The following PSG6 variants were observed in gnomAD, a reference collection of about 807,000 sequenced individuals.
The protein encoded by PSG6 is pregnancy specific beta-1-glycoprotein 6, also known as pregnancy-specific beta-1-glycoprotein 6.
Under a neutral mutation model 43.3 loss-of-function variants are expected in PSG6, and 51 were observed. The observed-to-expected ratio is 1.18, with a 90% CI of 0.94 to 1.49. The LOEUF is 1.49. PSG6 is among the 40% of genes most tolerant of loss of function. PSG6 has a pLI of 0.00. For synonymous variants in PSG6, 292 were observed against 197.6 expected, an observed-to-expected ratio of 1.48 and a Z score of -4.01; for missense variants, 770 against 522.2, an observed-to-expected ratio of 1.47 and a Z score of -4.62.
At chr19:42,906,704 C>T (rs1441936631) in intron 5 of PSG6, 9 of 1,474,192 alleles carry the variant, frequency 6.1e-6, no homozygotes, top group Admixed American at 4.8e-5. Flanking sequence ...CCCTCCCTAC[C>T]TTTCTCAGGC....
chr19:42,907,479 G>C, intron 4 of PSG6, 97 bp downstream of exon 4: 1 of 1,569,124 alleles, frequency 6.4e-7, no homozygotes, highest in East Asian at 2.2e-5. Flanking sequence ...AAGTAAAGTT[G>C]TCTATACTTG....
intron 5 of PSG6, among the ~76,000 whole-genome samples, chr19:42,902,689 G>A (rs535090224): frequency 1.3e-5 from 2 of 151,344 alleles, no homozygotes; most frequent in Admixed American, 1.3e-4. Context: ...TCTGCATAGC[G>A]GTCTGTGGGT....
rs556500307 is a variant in PSG6 at position 42,910,176 on chromosome 19, G to A, written c.706+404C>T. On this transcript the variant is annotated intron_variant, in intron 3 of 5. Coordinates refer to ENST00000187910, the MANE Select transcript of PSG6 (RefSeq NM_001031850.4). ...AACGGTGGGAGCATCCAGGCCATGC[G>A]GAGCAAAGAGAATAATGTCACAGGC... 1.0e-4 allele frequency: 34 copies of A among 327,244 alleles called. 2 individuals carry two copies. The highest frequency in any genetic ancestry group is 3.4e-4 in the African/African-American group (16 of 47,198). 20.3% of individuals were successfully genotyped at this position (327,244 alleles called of 1,614,324 possible). A position where few individuals can be genotyped will look rare whatever the true frequency, so the allele number is the denominator to read the frequency against.
rs143223284 is a variant in PSG6, at chr19:42,907,730, C to T, written c.831G>A (p.Gln277=). The change falls in exon 4 of 6, where the codon CAG becomes CAA. Residue 277 remains glutamine (Q), a synonymous_variant. Coordinates refer to ENST00000187910, the MANE Select transcript of PSG6 (RefSeq NM_001031850.4). ...NYTYIWWLNG[Q]SLPVSPRVKR... ...TTACCCTCGGACTGACCGGGAGGCTCTGACCATTTAGCCACCAAATGTAGG... is the reference window on the plus strand; with the variant it reads ...TTACCCTCGGACTGACCGGGAGGCTTTGACCATTTAGCCACCAAATGTAGG... 338 of 1,610,750 alleles carry T rather than the reference C, an allele frequency of 2.1e-4. 12 individuals are homozygous for T. Among genetic ancestry groups the T allele is most frequent in the Middle Eastern group, 4.3e-4 (2 of 4,704 alleles).
At chr19:42,906,452 G>A (rs1365123046) in intron 5 of PSG6, among the ~76,000 whole-genome samples, 3 of 151,558 alleles carry the variant, frequency 2.0e-5, no homozygotes, top group African/African-American at 7.3e-5. Context: ...AGAGCAGGAA[G>A]CAGAGTCTGA....
chr19:42,902,537 G>A, intron 5 of PSG6, 91 bp from the exon 6 acceptor site: 1 of 1,540,204 alleles, frequency 6.5e-7, no homozygotes, highest in Non-Finnish European at 8.9e-7. Context: ...CAGCAAGGGT[G>A]TGAAAGCAAG....
rs182735175 is a variant in PSG6, at chr19:42,911,133, C to T, written c.428-275G>A. Among the ~76,000 whole-genome samples, 102 of 151,688 alleles carry T rather than the reference C, an allele frequency of 6.7e-4. 4 individuals are homozygous for T. The East Asian group carries it at 0.017, about 26-fold the overall frequency. On this transcript the variant is annotated intron_variant, in intron 2 of 5. Coordinates refer to ENST00000187910, the MANE Select transcript of PSG6 (RefSeq NM_001031850.4). ...AAGACACAGGACCAGCAGTCACAGC[C>T]CCTGGTGCCTCTCTGAGTCCCTCCG...
At chr19:42,906,268 A>C (rs376833356) in intron 5 of PSG6, among the ~76,000 whole-genome samples, 1 of 151,526 alleles carries the variant, frequency 6.6e-6, no homozygotes, top group Non-Finnish European at 1.5e-5. Flanking sequence ...TCAGCCCTGA[A>C]GCTCCCTCTC....
Position 42,917,877 on chromosome 19 carries a change from C to A in PSG6, c.-85G>T. 2.0e-6 allele frequency: 3 copies of A among 1,510,014 alleles called. No homozygotes were observed. Among genetic ancestry groups the A allele is most frequent in the Non-Finnish European group, 2.7e-6 (3 of 1,111,262 alleles). 93.5% of individuals were successfully genotyped at this position (1,510,014 alleles called of 1,614,324 possible). Reference sequence around the variant, plus strand: ...TGAGCAGGGCTGTCAGGTGTGCTGTCCTTCCTCCTTCTGTGCTGAGCCTCT... The same window carrying A: ...TGAGCAGGGCTGTCAGGTGTGCTGTACTTCCTCCTTCTGTGCTGAGCCTCT... On this transcript the variant is annotated 5_prime_UTR_variant, in exon 1 of 6. Coordinates refer to ENST00000187910, the MANE Select transcript of PSG6 (RefSeq NM_001031850.4).
At chr19:42,908,872 C>G (rs182667458) in intron 3 of PSG6, among the ~76,000 whole-genome samples, 2 of 151,546 alleles carry the variant, frequency 1.3e-5, no homozygotes, top group Admixed American at 1.3e-4. Context: ...GAATATGAGA[C>G]GAGGCTGCTG....
chr19:42,914,019 A>G (rs920181472), intron 2 of PSG6, among the ~76,000 whole-genome samples: 5 of 151,650 alleles, frequency 3.3e-5, no homozygotes, highest in African/African-American at 1.2e-4. Context: ...GCAAACCACC[A>G]TTTCAATAAA....
chr19:42,913,591 C>T (rs1429792467), intron 2 of PSG6, among the ~76,000 whole-genome samples: 1 of 151,750 alleles, frequency 6.6e-6, no homozygotes, highest in African/African-American at 2.4e-5. Flanking sequence ...ATGTGAGCTC[C>T]ATAGCAGGTT....
chr19:42,911,869 A>G (rs532357974), intron 2 of PSG6, among the ~76,000 whole-genome samples: 8 of 151,514 alleles, frequency 5.3e-5, no homozygotes, highest in African/African-American at 1.9e-4. Flanking sequence ...AGAGGGAATC[A>G]GAGATTAGAA....
intron 3 of PSG6, among the ~76,000 whole-genome samples, chr19:42,908,715 T>C (rs907927408): frequency 6.6e-6 from 1 of 151,760 alleles, no homozygotes; most frequent in Non-Finnish European, 1.5e-5. Context: ...CTGCTGGAAA[T>C]CTAGTCCTCA....
At chr19:42,915,425 C>G (rs1336323857) in intron 2 of PSG6, 2 of 152,066 alleles carry the variant, frequency 1.3e-5, no homozygotes, top group Admixed American at 6.6e-5. Context: ...CTTCTCTCTT[C>G]TGTTTCTGCT....
intron 3 of PSG6, 182 bp downstream of exon 3, chr19:42,910,398 C>T (rs1568444513): frequency 2.7e-6 from 4 of 1,488,258 alleles, no homozygotes; most frequent in Admixed American, 1.8e-5. Context: ...AGCCTCTTCT[C>T]TCTTATTGTT....
intron 2 of PSG6, among the ~76,000 whole-genome samples, chr19:42,914,329 C>T (rs1163334808): frequency 3.3e-5 from 5 of 151,210 alleles, no homozygotes; most frequent in Non-Finnish European, 7.4e-5. Context: ...AACAGCCAGC[C>T]TAGTTAGAGG....
At chr19:42,916,763 G>T (rs1568448670) in intron 1 of PSG6, among the ~76,000 whole-genome samples, 1 of 150,956 alleles carries the variant, frequency 6.6e-6, no homozygotes, top group Non-Finnish European at 1.5e-5. Context: ...TTCCCCAGGG[G>T]TCCGCACGGC....
chr19:42,906,597 G>T (rs1420580591), intron 5 of PSG6: 5 of 1,347,064 alleles, frequency 3.7e-6, no homozygotes, highest in East Asian at 2.6e-5. Flanking sequence ...AAGGGGATGT[G>T]TTCGTGACAG....
Sources: gnomAD v4.1 joint callset for allele counts (sites outside exome capture counted in the v4.1 genomes callset) on GRCh38, gnomAD v4.1.1 for gene constraint, MANE v1.5 for transcripts, NCBI Gene and HGNC (gene_info 2026-07-23, HGNC 2026-07-21) for gene names.